The following NAALADL2 variants were observed in gnomAD, a reference collection of about 807,000 sequenced individuals.
The protein encoded by NAALADL2 is N-acetylated alpha-linked acidic dipeptidase like 2.
In NAALADL2, 76 loss-of-function variants were observed where a neutral mutation model predicts 87.2. The ratio of observed to expected loss-of-function variants is 0.87; its 90% confidence interval spans 0.72 to 1.05. The LOEUF is 1.05. Among genes scored for constraint, NAALADL2 ranks in the 50% least tolerant of loss-of-function variants. The probability of loss-of-function intolerance (pLI) is 0.00; values close to 1 mark genes in which losing one functional copy is unlikely to be tolerated. For missense variants in NAALADL2, 1,089 were observed against 945.8 expected (o/e 1.15, Z -1.99); for synonymous variants, 354 against 331.0 (o/e 1.07, Z -0.75).
At chr3:175,208,325 T>C (rs1663542768) in intron 2 of NAALADL2, among the ~76,000 whole-genome samples, 1 of 152,152 alleles carries the variant, frequency 6.6e-6, no homozygotes, top group Non-Finnish European at 1.5e-5. Context: ...TCTAAACCTA[T>C]CTTGCTTTGC....
intron 9 of NAALADL2, among the ~76,000 whole-genome samples, chr3:175,530,197 C>T (rs944898663): frequency 1.3e-5 from 2 of 152,280 alleles, no homozygotes; most frequent in Non-Finnish European, 2.9e-5. Flanking sequence ...CCTATCCACT[C>T]GATTATTAAA....
At chr3:174,996,226 G>T (rs950081829) in intron 1 of NAALADL2, among the ~76,000 whole-genome samples, 3 of 152,098 alleles carry the variant, frequency 2.0e-5, no homozygotes, top group African/African-American at 7.2e-5. Context: ...GGCTGGGCGC[G>T]GTGGCTCACG....
intron 1 of NAALADL2, among the ~76,000 whole-genome samples, chr3:175,011,631 C>T (rs1749838193): frequency 6.6e-6 from 1 of 152,222 alleles, no homozygotes; most frequent in South Asian, 2.1e-4. Context: ...CAGTATCCTT[C>T]TAAAAGTTTT....
chr3:175,495,143 A>G (rs539351437), intron 9 of NAALADL2, among the ~76,000 whole-genome samples: 74 of 150,682 alleles, frequency 4.9e-4, no homozygotes, highest in African/African-American at 1.7e-3. Context: ...CACATCAAAG[A>G]GTAGCTTCCA....
intron 1 of NAALADL2, among the ~76,000 whole-genome samples, chr3:174,527,810 G>C (rs1720898553): frequency 6.6e-6 from 1 of 152,062 alleles, no homozygotes; most frequent in Non-Finnish European, 1.5e-5. Context: ...GATTTCAGGG[G>C]TTATCTACAA....
At chr3:174,971,086 C>T (rs535264126) in intron 1 of NAALADL2, among the ~76,000 whole-genome samples, 2 of 152,110 alleles carry the variant, frequency 1.3e-5, no homozygotes, top group African/African-American at 2.4e-5. Flanking sequence ...GCAGCAAGCC[C>T]GATAAACCCA....
intron 1 of NAALADL2, among the ~76,000 whole-genome samples, chr3:174,866,158 A>G (rs1006009388): frequency 2.6e-5 from 4 of 151,936 alleles, no homozygotes; most frequent in Non-Finnish European, 5.9e-5. Context: ...CTTGATAGAC[A>G]TGATGATAGA....
At chr3:175,726,194 T>C (rs1206549478) in intron 11 of NAALADL2, among the ~76,000 whole-genome samples, 1 of 149,736 alleles carries the variant, frequency 6.7e-6, no homozygotes, top group Non-Finnish European at 1.5e-5. Context: ...ATATATTTTC[T>C]CAACTAAAAT....
In NAALADL2 at chr3:175,166,039, ATTT is replaced by A. The variant is rs10576101; in HGVS notation, c.546-67879_546-67877del. Among the ~76,000 whole-genome samples, 1,331 of 145,352 alleles carry A rather than the reference ATTT, an allele frequency of 9.2e-3. 26 individuals carry two copies. Among genetic ancestry groups the A allele is most frequent in the African/African-American group, 0.031 (1,237 of 39,664 alleles). On this transcript the variant is annotated intron_variant, in intron 2 of 13. Transcript: ENST00000454872. ...ATCTCTTGCATATAAGGGACTCCATATTTTTTTTTTTTTTTACTCTTCTAAAAT... is the reference window on the plus strand; with the variant it reads ...ATCTCTTGCATATAAGGGACTCCATATTTTTTTTTTTTACTCTTCTAAAAT...
chr3:175,557,774 T>G (rs1456720413), intron 9 of NAALADL2, among the ~76,000 whole-genome samples: 1 of 152,204 alleles, frequency 6.6e-6, no homozygotes, highest in Admixed American at 6.5e-5. Flanking sequence ...GACTTTTGGA[T>G]AACCGCCATT....
chr3:174,802,081 T>A (rs539878794), intron 3 of NAALADL2, among the ~76,000 whole-genome samples: 83 of 152,140 alleles, frequency 5.5e-4, no homozygotes, highest in African/African-American at 2.0e-3. Flanking sequence ...TCTTTCAAGT[T>A]TTCAATGTCA....
At chr3:174,911,120 G>A (rs933304761) in intron 1 of NAALADL2, among the ~76,000 whole-genome samples, 16 of 152,202 alleles carry the variant, frequency 1.1e-4, no homozygotes, top group Admixed American at 5.2e-4. Flanking sequence ...AGATAAGAAC[G>A]TATTTTCTGA....
intron 11 of NAALADL2, among the ~76,000 whole-genome samples, chr3:175,735,174 T>G (rs1744334422): frequency 6.6e-6 from 1 of 152,238 alleles, no homozygotes; most frequent in African/African-American, 2.4e-5. Context: ...ATCTCTTTGC[T>G]GAAACATAAC....
Position 175,644,862 on chromosome 3 carries a change from A to G in NAALADL2, c.1896+17476A>G, listed in dbSNP as rs966214201. 4.6e-5 allele frequency among the ~76,000 whole-genome samples: 7 copies of G among 152,302 alleles called. No homozygotes were observed. The South Asian group carries it at 1.4e-3, about 32-fold the overall frequency. ...AGTGCTGTTGATTTTTCACATTACT[A>G]GCATCAAATGAAGTGATTGCAATAG... is the stretch of plus-strand genomic sequence containing the variant. On this transcript the variant is annotated intron_variant, in intron 11 of 13. Transcript: ENST00000454872.
chr3:175,575,959 T>C lies in NAALADL2; in HGVS notation c.1654-82T>C, dbSNP rs542646604. ...GGGAGACATTGATGCTGCTGATCTG[T>C]GGACCATGTTTTGAGTAGCACTGAT... On this transcript the variant is annotated intron_variant, in intron 9 of 13. Transcript: ENST00000454872. 1.5e-4 allele frequency: 170 copies of C among 1,149,602 alleles called. 4 individuals are homozygous for C. The South Asian group carries it at 2.4e-3, about 16-fold the overall frequency. The allele number at this position is 1,149,602 out of a possible 1,614,324, so 71.2% of individuals were successfully genotyped here.
chr3:175,558,308 T>A (rs62288370), intron 9 of NAALADL2, among the ~76,000 whole-genome samples: 19,669 of 151,900 alleles, frequency 0.13, 1,375 homozygotes, highest in Middle Eastern at 0.17. Context: ...TTGTTTGAGC[T>A]CTGTATATAT....
rs555636007 is a variant in NAALADL2 at position 175,487,034 on chromosome 3, A to T, written c.1653+15276A>T. Reference sequence around the variant, plus strand: ...GTAGCCAGTTATCCTTGAAGACTTAAGTCAGATCATTCTGTGCCCTTTCTC... The same window carrying T: ...GTAGCCAGTTATCCTTGAAGACTTATGTCAGATCATTCTGTGCCCTTTCTC... On this transcript the variant is annotated intron_variant, in intron 9 of 13. Transcript: ENST00000454872. Among the ~76,000 whole-genome samples the T allele has an allele frequency of 3.9e-4, 60 of 152,272 alleles. 1 individual carries two copies. The highest frequency in any genetic ancestry group is 3.3e-3 in the Admixed American group (50 of 15,276).
At chr3:175,056,545 C>T (rs1285203253) in intron 1 of NAALADL2, among the ~76,000 whole-genome samples, 1 of 152,098 alleles carries the variant, frequency 6.6e-6, no homozygotes, top group Non-Finnish European at 1.5e-5. Flanking sequence ...CCTCACCCAG[C>T]AGTGCTAGAG....
intron 3 of NAALADL2, among the ~76,000 whole-genome samples, chr3:174,797,298 CTTTTTTCTTTTTTTT>C (rs1458012003): frequency 2.7e-4 from 26 of 97,728 alleles, no homozygotes; most frequent in Non-Finnish European, 4.8e-4. Context: ...TTTTGTTTTT[CTTTTTTCTTTTTTTT>C]TTTTTTTTTT....
Sources: gnomAD v4.1 joint callset for allele counts (sites outside exome capture counted in the v4.1 genomes callset) on GRCh38, gnomAD v4.1.1 for gene constraint, MANE v1.5 for transcripts, NCBI Gene and HGNC (gene_info 2026-07-23, HGNC 2026-07-21) for gene names.